ECEL1: variants seen among roughly 807,000 people sequenced by gnomAD.
ECEL1 encodes the protein endothelin-converting enzyme-like 1.
Under a neutral mutation model 101.8 loss-of-function variants are expected in ECEL1, and 87 were observed. That is an observed-to-expected ratio of 0.85 (90% CI 0.72 to 1.02). The LOEUF is 1.02. Among genes scored for constraint, ECEL1 ranks in the 50% least tolerant of loss-of-function variants. ECEL1 has a pLI of 0.00. For synonymous variants in ECEL1, 487 were observed against 468.7 expected (o/e 1.04, Z -0.50); for missense variants, 1,032 against 1,079.2 (o/e 0.96, Z 0.61).
rs149447864 is a variant in ECEL1, at chr2:232,480,161, C to T, written c.2320G>A (p.Val774Met). The T allele has an allele frequency of 1.3e-4, 213 of 1,613,530 alleles. No individual in the cohort carries two copies. Among genetic ancestry groups the T allele is most frequent in the African/African-American group, 2.0e-4 (15 of 74,902 alleles). ...CAGGCGGGCAGCCAGGCTCACCACA[C>T]GGAACACTTGTGGGCAGGGTTCATG... ...SPMNPAHKCS[V>M]W Residue 774 changes from valine to methionine, a missense_variant, in exon 18 of 18, where the codon GTG (valine) becomes ATG (methionine). Transcript: ENST00000304546.
intron 12 of ECEL1, among the ~76,000 whole-genome samples, chr2:232,482,116 C>T (rs182506623): frequency 9.3e-4 from 142 of 152,352 alleles, no homozygotes; most frequent in African/African-American, 3.3e-3. Context: ...AGGAGGGAAA[C>T]GGAGGCACCT....
Position 232,486,419 on chromosome 2 carries a change from T to G in ECEL1, c.235A>C (p.Met79Leu), listed in dbSNP as rs1201119108. 2 of 1,465,080 alleles carry G rather than the reference T, an allele frequency of 1.4e-6. No individual in the cohort carries two copies. Among genetic ancestry groups the G allele is most frequent in the Non-Finnish European group, 1.8e-6 (2 of 1,120,958 alleles). 90.8% of individuals were successfully genotyped at this position (1,465,080 alleles called of 1,614,324 possible). A position where few individuals can be genotyped will look rare whatever the true frequency, so the allele number is the denominator to read the frequency against. ...GGGCCCAGGTACTTGAGGGCCAGCA[T>G]AGCCGCCAGAATGGCGCAGAGGCCG... is the stretch of plus-strand genomic sequence containing the variant. ...AAGLCAILAAMLALKYLGPVA... is the reference protein window; with the variant it reads ...AAGLCAILAALLALKYLGPVA... Residue 79 changes from methionine (M) to leucine (L), a missense_variant, in exon 2 of 18, where the codon ATG becomes CTG. Coordinates refer to ENST00000304546, the MANE Select transcript of ECEL1 (RefSeq NM_004826.4).
At chr2:232,482,704 G>C in intron 10 of ECEL1, 96 bp from the exon 11 acceptor site, 1 of 1,524,380 alleles carries the variant, frequency 6.6e-7, no homozygotes. Flanking sequence ...TGACAGTCTG[G>C]GGGTCACCCT....
rs766518409 is a variant in ECEL1 at position 232,483,412 on chromosome 2, T to C, written c.1506+4A>G. ...CCAACCAATGACACTGGGTCCCCCCTCACCTTGGCCCGAGCAGCAGCCCTG... is the reference window on the plus strand; with the variant it reads ...CCAACCAATGACACTGGGTCCCCCCCCACCTTGGCCCGAGCAGCAGCCCTG... On this transcript the variant is annotated splice_donor_region_variant and intron_variant, in intron 8 of 17. Transcript: ENST00000304546. 29 of 1,602,060 alleles carry C rather than the reference T, an allele frequency of 1.8e-5. No homozygotes were observed. The South Asian group carries it at 3.3e-4, about 18-fold the overall frequency.
rs1296128106 is a variant in ECEL1, at chr2:232,482,455, T to C, written c.1759A>G (p.Ile587Val). The C allele has an allele frequency of 3.7e-6, 6 of 1,613,876 alleles. No homozygotes were observed. The highest frequency in any genetic ancestry group is 5.1e-6 in the Non-Finnish European group (6 of 1,180,012). ...GGGTCGTACAGGGTGGGCTGCAGGATGCCCGCGGGGAACACTACAAGAAGG... is the reference window on the plus strand; with the variant it reads ...GGGTCGTACAGGGTGGGCTGCAGGACGCCCGCGGGGAACACTACAAGAAGG... ...NKNQMVFPAGILQPTLYDPDF... is the reference protein window; with the variant it reads ...NKNQMVFPAGVLQPTLYDPDF... The change falls in exon 12 of 18, where the codon ATC (isoleucine) becomes GTC (valine). Residue 587 changes from isoleucine (I) to valine (V), a missense_variant. Ile to Val is a conservative substitution (Grantham distance 29). Coordinates refer to ENST00000304546, the MANE Select transcript of ECEL1 (RefSeq NM_004826.4).
intron 4 of ECEL1, 31 bp downstream of exon 4, chr2:232,484,950 C>T (rs199732983): frequency 2.6e-4 from 416 of 1,612,734 alleles, no homozygotes; most frequent in Non-Finnish European, 3.3e-4. Flanking sequence ...TCCCTCAAGC[C>T]CAGGGCAGCC....
Position 232,486,017 on chromosome 2 carries a change from G to A in ECEL1, c.637C>T (p.Leu213=), listed in dbSNP as rs780846564. The part of the protein sequence containing the change: ...EVIEDCGGWD[L]GGAEERPGVA... ...CCCGGACGCTCCTCCGCGCCGCCCA[G>A]GTCCCAGCCCCCGCAGTCCTCGATG... The change falls in exon 2 of 18, where the codon CTG becomes TTG. Residue 213 remains leucine (L), a synonymous_variant. Coordinates refer to ENST00000304546, the MANE Select transcript of ECEL1 (RefSeq NM_004826.4). 4.4e-6 allele frequency: 7 copies of A among 1,608,678 alleles called. No individual in the cohort carries two copies. The South Asian group carries it at 6.6e-5, about 15-fold the overall frequency.
rs767046292 is a variant in ECEL1, at chr2:232,480,117, C to T, written c.*36G>A. ...GGTAGCCAGCAGGAGGTGATTCGTG[C>T]GGGGGCAGTGGGGGCGTGCAGGCGG... On this transcript the variant is annotated 3_prime_UTR_variant, in exon 18 of 18. Transcript: ENST00000304546. 34 of 1,601,704 alleles carry T rather than the reference C, an allele frequency of 2.1e-5. No homozygotes were observed. The highest frequency in any genetic ancestry group is 4.0e-5 in the African/African-American group (3 of 74,670).
At chr2:232,481,440 T>C in intron 14 of ECEL1, 66 bp downstream of exon 14, 1 of 1,551,694 alleles carries the variant, frequency 6.4e-7, no homozygotes, top group Non-Finnish European at 8.7e-7. Context: ...CGCAAGGGTG[T>C]GCGTGATGCT....
intron 8 of ECEL1, 62 bp from the exon 9 acceptor site, chr2:232,483,241 C>A: frequency 6.6e-7 from 1 of 1,517,976 alleles, no homozygotes. Flanking sequence ...CCGCCCCCCA[C>A]CCTACCCACC....
In ECEL1 at chr2:232,485,869, C is replaced by A; in HGVS notation, c.785G>T (p.Arg262Leu). The change falls in exon 2 of 18, where the codon CGC becomes CTC. Residue 262 changes from arginine to leucine, a missense_variant and splice_region_variant. By Grantham distance (102) the Arg-to-Leu change is moderately radical. Coordinates refer to ENST00000304546, the MANE Select transcript of ECEL1 (RefSeq NM_004826.4). ...DDRNSSRYVIRIDQDGLTLPE... is the reference protein window; with the variant it reads ...DDRNSSRYVILIDQDGLTLPE... ...AGGGCGCTCAGGGGGCGCACTCACG[C>A]GGATGACGTAGCGCGAGGAGTTCCT... 6.4e-7 allele frequency: 1 copy of A among 1,551,408 alleles called. No homozygotes were observed. The highest frequency in any genetic ancestry group is 8.7e-7 in the Non-Finnish European group (1 of 1,152,224).
chr2:232,484,479 G>A lies in ECEL1; in HGVS notation c.1177C>T (p.Pro393Ser), dbSNP rs1237179282. Residue 393 changes from proline to serine, a missense_variant, in exon 6 of 18, where the codon CCC becomes TCC. Coordinates refer to ENST00000304546, the MANE Select transcript of ECEL1 (RefSeq NM_004826.4). ...QQVSQLIRST[P>S]HRVLHNYLVW... ...CCAGATCTGCAGCCATACCGGTGGG[G>A]TGTGGAGCGGATGAGCTGCGACACC... 8.7e-6 allele frequency: 14 copies of A among 1,613,728 alleles called. No homozygotes were observed. The highest frequency in any genetic ancestry group is 1.1e-5 in the Non-Finnish European group (13 of 1,179,980).
In ECEL1 at chr2:232,480,777, G is replaced by A. The variant is rs200774892; in HGVS notation, c.2092C>T (p.His698Tyr). 17 of 1,613,992 alleles carry A rather than the reference G, an allele frequency of 1.1e-5. No homozygotes were observed. Among genetic ancestry groups the A allele is most frequent in the Admixed American group, 1.7e-5 (1 of 59,994 alleles). The change falls in exon 16 of 18, where the codon CAC becomes TAC. Residue 698 changes from histidine (H) to tyrosine (Y), a missense_variant. Coordinates refer to ENST00000304546, the MANE Select transcript of ECEL1 (RefSeq NM_004826.4). Reference protein sequence around the residue: ...QKWVREHGPEHPLPRLKYTHD... With the variant: ...QKWVREHGPEYPLPRLKYTHD... ...GTGTACTTGAGCCGGGGAAGTGGGTGCTCTGGGCCGTGCTCCCGCACCCAC... is the reference window on the plus strand; with the variant it reads ...GTGTACTTGAGCCGGGGAAGTGGGTACTCTGGGCCGTGCTCCCGCACCCAC...
intron 8 of ECEL1, 73 bp downstream of exon 8, chr2:232,483,343 G>C: frequency 6.4e-7 from 1 of 1,559,558 alleles, no homozygotes; most frequent in South Asian, 1.2e-5. Context: ...TGTCCCTTTT[G>C]TTCTCTTTCG....
chr2:232,485,802 C>A, intron 2 of ECEL1, 66 bp downstream of exon 2: 1 of 1,526,470 alleles, frequency 6.6e-7, no homozygotes, highest in Non-Finnish European at 8.8e-7. Flanking sequence ...GCGCAGGGAC[C>A]CCTGGGCAAG....
chr2:232,481,289 C>T, intron 14 of ECEL1, 133 bp from the exon 15 acceptor site: 1 of 1,341,062 alleles, frequency 7.5e-7, no homozygotes, highest in Non-Finnish European at 1.0e-6. Context: ...TGAGGGGGGG[C>T]TCCAACCCTA....
Position 232,486,472 on chromosome 2 carries a change from C to T in ECEL1, c.182G>A (p.Cys61Tyr). The T allele has an allele frequency of 7.0e-7, 1 of 1,438,454 alleles. No homozygotes were observed. Among genetic ancestry groups the T allele is most frequent in the African/African-American group, 1.5e-5 (1 of 66,648 alleles). 89.1% of individuals were successfully genotyped at this position (1,438,454 alleles called of 1,614,324 possible). ...GGCGAACACCAGCCCCGACAGCAGGCACACCTCGCGCCGGTTCCAGCGCGG... is the reference window on the plus strand; with the variant it reads ...GGCGAACACCAGCCCCGACAGCAGGTACACCTCGCGCCGGTTCCAGCGCGG... ...GLPRWNRREV[C>Y]LLSGLVFAAG... Residue 61 changes from cysteine to tyrosine, a missense_variant, in exon 2 of 18, where the codon TGC becomes TAC. Transcript: ENST00000304546.
chr2:232,480,186 G>T lies in ECEL1; in HGVS notation c.2295C>A (p.Pro765=). ...CGGAACACTTGTGGGCAGGGTTCAT[G>T]GGTGAGTCCTTGGGACAGTGGAAAG... ...GRAFHCPKDS[P]MNPAHKCSVW The change falls in exon 18 of 18, where the codon CCC becomes CCA. Residue 765 remains proline (P), a synonymous_variant. Transcript: ENST00000304546. The T allele has an allele frequency of 6.2e-7, 1 of 1,613,914 alleles. No individual in the cohort carries two copies. The highest frequency in any genetic ancestry group is 8.5e-7 in the Non-Finnish European group (1 of 1,179,958).
In ECEL1 at chr2:232,484,829, A is replaced by C. The variant is rs1690677864; in HGVS notation, c.1031T>G (p.Leu344Arg). The C allele has an allele frequency of 6.2e-7, 1 of 1,614,020 alleles. No individual in the cohort carries two copies. Among genetic ancestry groups the C allele is most frequent in the Non-Finnish European group, 8.5e-7 (1 of 1,180,024 alleles). Residue 344 changes from leucine to arginine, a missense_variant, in exon 5 of 18, where the codon CTG becomes CGG. Transcript: ENST00000304546. The part of the protein sequence containing the change: ...DVSSMYNKVT[L>R]GQLQKITPHL... ...GGGGGTGATCTTCTGCAGCTGCCCC[A>C]GCGTCACCTTGTTGTACATGGAGCT...
Sources: allele counts gnomAD v4.1 joint callset (sites outside exome capture counted in the v4.1 genomes callset), GRCh38; gene constraint gnomAD v4.1.1; transcripts MANE v1.5; gene names NCBI Gene and HGNC (gene_info 2026-07-23, HGNC 2026-07-21).